The following PPP2R3B variants were observed in gnomAD, a reference collection of about 807,000 sequenced individuals.
PPP2R3B encodes the protein serine/threonine-protein phosphatase 2A regulatory subunit B'' subunit beta.
Under a neutral mutation model 72.9 loss-of-function variants are expected in PPP2R3B, and 68 were observed. The observed-to-expected ratio is 0.93, with a 90% CI of 0.77 to 1.14. The LOEUF (loss-of-function observed/expected upper bound fraction) is 1.14, where lower values mean the gene tolerates loss of function less well. PPP2R3B is among the 50% of genes most tolerant of loss of function. The pLI is 0.00. For synonymous variants in PPP2R3B, 466 were observed against 375.8 expected, an observed-to-expected ratio of 1.24 and a Z score of -2.78; for missense variants, 1,018 against 842.0, an observed-to-expected ratio of 1.21 and a Z score of -2.59.
intron 1 of PPP2R3B, among the ~76,000 whole-genome samples, chrX:377,724 G>A (rs1435242200): frequency 2.8e-4 from 35 of 125,850 alleles, no homozygotes; most frequent in East Asian, 5.1e-4. Flanking sequence ...GGGACGGGCC[G>A]TCCACACCCA....
chrX:334,641 G>C lies in PPP2R3B; in HGVS notation c.1578-124C>G, dbSNP rs998673505. On this transcript the variant is annotated intron_variant, in intron 12 of 12. Transcript: ENST00000390665. Reference sequence around the variant, plus strand: ...CGAGACAGTCCCCTGAGCCGACCTTGAGCTCCAGCCGCTGAGCCAGCAACG... The same window carrying C: ...CGAGACAGTCCCCTGAGCCGACCTTCAGCTCCAGCCGCTGAGCCAGCAACG... 3 of 1,147,670 alleles carry C rather than the reference G, an allele frequency of 2.6e-6. No homozygotes were observed. In the African/African-American group the frequency reaches 4.9e-5, roughly 19 times the overall value. 71.1% of individuals were successfully genotyped at this position (1,147,670 alleles called of 1,614,324 possible). A position where few individuals can be genotyped will look rare whatever the true frequency, so the allele number is the denominator to read the frequency against.
intron 2 of PPP2R3B, among the ~76,000 whole-genome samples, chrX:357,045 A>T (rs2071453014): frequency 6.6e-6 from 1 of 152,178 alleles, no homozygotes; most frequent in Non-Finnish European, 1.5e-5. Context: ...TCCATTCAAA[A>T]TAAAATTTAA....
intron 10 of PPP2R3B, among the ~76,000 whole-genome samples, chrX:340,482 GTCCCCCCT>G (rs1569377976): frequency 0.016 from 1,650 of 104,758 alleles, 159 homozygotes; most frequent in Middle Eastern, 0.021. Flanking sequence ...ACCCTGGGCC[GTCCCCCCT>G]CCCGTCCGTC....
At chrX:372,782 A>AC (rs1366836355) in intron 1 of PPP2R3B, among the ~76,000 whole-genome samples, 1 of 152,130 alleles carries the variant, frequency 6.6e-6, no homozygotes, top group Non-Finnish European at 1.5e-5. Flanking sequence ...ACATGGTGAA[A>AC]CCCCGTCCCT....
At position 361,347 on chromosome X, in the gene PPP2R3B, A is replaced by C. The variant is rs951094723; in HGVS notation, c.510+58T>G. 20 of 1,594,994 alleles carry C rather than the reference A, an allele frequency of 1.3e-5. No individual in the cohort carries two copies. In the African/African-American group the frequency reaches 1.5e-4, roughly 12 times the overall value. On this transcript the variant is annotated intron_variant, in intron 2 of 12. Transcript: ENST00000390665. ...GCACCCACCACGGCCGCTCCGCCTCACCCTCACATGCCCGCAGTACCACCT... is the reference window on the plus strand; with the variant it reads ...GCACCCACCACGGCCGCTCCGCCTCCCCCTCACATGCCCGCAGTACCACCT...
chrX:386,310 G>A (rs1251820577), intron 1 of PPP2R3B, 58 bp downstream of exon 1: 3 of 1,261,658 alleles, frequency 2.4e-6, no homozygotes, highest in Non-Finnish European at 3.0e-6. Flanking sequence ...GCAGCCACAC[G>A]CCCACTATGC....
intron 1 of PPP2R3B, among the ~76,000 whole-genome samples, chrX:363,887 C>T (rs1361578459): frequency 6.6e-6 from 1 of 152,232 alleles, no homozygotes; most frequent in Non-Finnish European, 1.5e-5. Context: ...CTGTGTTTGG[C>T]AATATAGCAA....
rs765246400 is a variant in PPP2R3B at position 386,386 on chromosome X, T to A, written c.306A>T (p.Arg102Ser). ...AACTTACTACTCTCGTCCCTGCGGATCTACGGGTGCCTCGAACGTGGGGCG... is the reference window on the plus strand; with the variant it reads ...AACTTACTACTCTCGTCCCTGCGGAACTACGGGTGCCTCGAACGTGGGGCG... ...RNAPHVRGTR[R>S]SAGTRVVQTR... Residue 102 changes from arginine (R) to serine (S), a missense_variant, in exon 1 of 13, where the codon AGA becomes AGT. Transcript: ENST00000390665. The A allele has an allele frequency of 5.3e-5, 70 of 1,320,574 alleles. No individual in the cohort carries two copies. Among genetic ancestry groups the A allele is most frequent in the Non-Finnish European group, 6.6e-5 (68 of 1,029,542 alleles). 81.8% of individuals were successfully genotyped at this position (1,320,574 alleles called of 1,614,324 possible). A position where few individuals can be genotyped will look rare whatever the true frequency, so the allele number is the denominator to read the frequency against.
chrX:368,348 C>T (rs1250620973), intron 1 of PPP2R3B, among the ~76,000 whole-genome samples: 7 of 90,844 alleles, frequency 7.7e-5, no homozygotes, highest in Admixed American at 3.0e-4. Context: ...CGGGGAAGGC[C>T]GGGACCACCC....
intron 7 of PPP2R3B, 41 bp downstream of exon 7, chrX:345,475 C>CG: frequency 6.2e-7 from 1 of 1,609,720 alleles, no homozygotes; most frequent in Non-Finnish European, 8.5e-7. Context: ...AGGGTGTGCT[C>CG]GGTGTCCGCG....
At chrX:336,748 C>G (rs185541276) in intron 12 of PPP2R3B, 2 of 152,294 alleles carry the variant, frequency 1.3e-5, no homozygotes, top group East Asian at 3.9e-4. Flanking sequence ...GAAACGGGAA[C>G]CTTAAAAGCA....
rs2071426110 is a variant in PPP2R3B, at chrX:355,953, T to C, written c.510+5452A>G. The stretch of plus-strand genomic sequence containing the variant: ...ACAGACGTCAAAGCTCATTGAATTG[T>C]ACCTTCCACACGCACCATGCATCCC... On this transcript the variant is annotated intron_variant, in intron 2 of 12. Coordinates refer to ENST00000390665, the MANE Select transcript of PPP2R3B (RefSeq NM_013239.5). Among the ~76,000 whole-genome samples the C allele has an allele frequency of 2.0e-5, 3 of 152,270 alleles. No homozygotes were observed. The South Asian group carries it at 6.2e-4, about 32-fold the overall frequency.
In PPP2R3B at chrX:354,085, A is replaced by G. The variant is rs77965115; in HGVS notation, c.511-6392T>C. On this transcript the variant is annotated intron_variant, in intron 2 of 12. Transcript: ENST00000390665. The stretch of plus-strand genomic sequence containing the variant: ...GGGGCTCGCCCAAAGACCGGGGCTC[A>G]CCCAGGGACCAGGGGCTCGCCCAAA... Among the ~76,000 whole-genome samples, 166 of 87,778 alleles carry G rather than the reference A, an allele frequency of 1.9e-3. 1 individual carries two copies. Among genetic ancestry groups the G allele is most frequent in the Middle Eastern group, 6.1e-3 (1 of 164 alleles). The allele number at this position is 87,778 out of a possible 152,430, so 57.6% of individuals were successfully genotyped here. A position where few individuals can be genotyped will look rare whatever the true frequency, so the allele number is the denominator to read the frequency against.
chrX:368,151 C>A (rs1196660515), intron 1 of PPP2R3B, among the ~76,000 whole-genome samples: 1 of 150,166 alleles, frequency 6.7e-6, no homozygotes, highest in East Asian at 2.0e-4. Flanking sequence ...TGGGCACAGA[C>A]ACGGGGAAGG....
At chrX:347,858 C>T (rs184470725) in intron 2 of PPP2R3B, 165 bp from the exon 3 acceptor site, 28 of 582,276 alleles carry the variant, frequency 4.8e-5, no homozygotes, top group South Asian at 3.4e-4. Flanking sequence ...ACGTGGCTTT[C>T]GCTCCAGCCT....
At chrX:377,864 C>T (rs780940509) in intron 1 of PPP2R3B, among the ~76,000 whole-genome samples, 2 of 94,244 alleles carry the variant, frequency 2.1e-5, no homozygotes, top group Non-Finnish European at 4.1e-5. Context: ...CCAGTGGGTC[C>T]GCCGTGGGGC....
At chrX:356,708 G>A (rs1235659253) in intron 2 of PPP2R3B, among the ~76,000 whole-genome samples, 1 of 152,200 alleles carries the variant, frequency 6.6e-6, no homozygotes, top group Non-Finnish European at 1.5e-5. Flanking sequence ...CCCTGGAACA[G>A]GGGAGAGATG....
In PPP2R3B at chrX:339,223, G is replaced by A. The variant is rs577957889; in HGVS notation, c.1352-327C>T. On this transcript the variant is annotated intron_variant, in intron 10 of 12. Transcript: ENST00000390665. The stretch of plus-strand genomic sequence containing the variant: ...GAACGGAGCTCCCCGTGCAGGCAGA[G>A]GCCAGAGGGTGTCCCGGGGACACTG... Among the ~76,000 whole-genome samples, 268 of 148,836 alleles carry A rather than the reference G, an allele frequency of 1.8e-3. 2 individuals are homozygous for A. The South Asian group carries it at 0.021, about 12-fold the overall frequency.
rs182863658 is a variant in PPP2R3B, at chrX:334,317, G to A, written c.*50C>T. On this transcript the variant is annotated 3_prime_UTR_variant, in exon 13 of 13. Transcript: ENST00000390665. ...GTTTTTACACGAGCCGCGGTGGCCCGGTGGTGGCACGTGGGGAGCGGCCCC... is the reference window on the plus strand; with the variant it reads ...GTTTTTACACGAGCCGCGGTGGCCCAGTGGTGGCACGTGGGGAGCGGCCCC... 7.0e-3 allele frequency: 9,976 copies of A among 1,431,920 alleles called. 52 individuals are homozygous for A. The highest frequency in any genetic ancestry group is 0.014 in the Middle Eastern group (52 of 3,764). The allele number at this position is 1,431,920 out of a possible 1,614,324, so 88.7% of individuals were successfully genotyped here. A position where few individuals can be genotyped will look rare whatever the true frequency, so the allele number is the denominator to read the frequency against.
Sources: allele counts gnomAD v4.1 joint callset (sites outside exome capture counted in the v4.1 genomes callset), GRCh38; gene constraint gnomAD v4.1.1; transcripts MANE v1.5; gene names NCBI Gene and HGNC (gene_info 2026-07-23, HGNC 2026-07-21).